ECT2: variants seen among roughly 807,000 people sequenced by gnomAD.
The protein encoded by ECT2 is protein ECT2.
A neutral mutation model predicts 116.9 loss-of-function variants in ECT2; 61 were observed. The ratio of observed to expected loss-of-function variants is 0.52; its 90% CI spans 0.42 to 0.65. The LOEUF (loss-of-function observed/expected upper bound fraction) is 0.65, where lower values mean the gene tolerates loss of function less well. ECT2 is among the 30% of genes least tolerant of loss of function. The probability of loss-of-function intolerance (pLI) is 0.00; values close to 1 mark genes in which losing one functional copy is unlikely to be tolerated. For missense variants in ECT2, 937 were observed against 1,078.7 expected (o/e 0.87, Z 1.84); for synonymous variants, 358 against 346.4 (o/e 1.03, Z -0.37).
intron 18 of ECT2, among the ~76,000 whole-genome samples, chr3:172,802,393 G>A (rs945979057): frequency 7.9e-5 from 12 of 152,130 alleles, no homozygotes; most frequent in African/African-American, 1.9e-4. Flanking sequence ...GATTACAGGC[G>A]CAAGTCACCG....
downstream of ECT2, among the ~76,000 whole-genome samples, chr3:172,822,506 A>G (rs548991721): frequency 5.9e-5 from 9 of 152,132 alleles, no homozygotes; most frequent in African/African-American, 1.9e-4. Context: ...AGGCTAATAT[A>G]TAAGCCTTAA....
At chr3:172,768,438 CTGTT>C (rs1460870181) in intron 12 of ECT2, among the ~76,000 whole-genome samples, 1 of 152,278 alleles carries the variant, frequency 6.6e-6, no homozygotes, top group African/African-American at 2.4e-5. Context: ...AATATCTATA[CTGTT>C]TGAGAGTAAG....
intron 13 of ECT2, among the ~76,000 whole-genome samples, chr3:172,772,064 T>G (rs1720762898): frequency 6.6e-6 from 1 of 151,376 alleles, no homozygotes; most frequent in African/African-American, 2.4e-5. Flanking sequence ...GGTGCAATCT[T>G]GATTTGGCTC....
intron 24 of ECT2, among the ~76,000 whole-genome samples, chr3:172,817,229 C>T (rs1729896101): frequency 6.6e-6 from 1 of 152,024 alleles, no homozygotes; most frequent in Admixed American, 6.6e-5. Flanking sequence ...TCCCCTAGTG[C>T]ACTTTAAACC....
intron 14 of ECT2, 85 bp downstream of exon 14, chr3:172,774,107 A>G: frequency 3.6e-6 from 5 of 1,383,766 alleles, no homozygotes; most frequent in Non-Finnish European, 5.0e-6. Context: ...CTGGTTAGCT[A>G]AATAAGTTTT....
At chr3:172,807,427 C>T (rs996722853) in intron 21 of ECT2, among the ~76,000 whole-genome samples, 1 of 151,988 alleles carries the variant, frequency 6.6e-6, no homozygotes, top group African/African-American at 2.4e-5. Context: ...TTATGGCAGA[C>T]TTTGTTTAAA....
At chr3:172,759,172 G>A (rs1717709200) in intron 6 of ECT2, 103 bp downstream of exon 6, 1 of 773,458 alleles carries the variant, frequency 1.3e-6, no homozygotes, top group Non-Finnish European at 2.0e-6. Context: ...TTAAAATATT[G>A]AAGGATAACT....
intron 18 of ECT2, among the ~76,000 whole-genome samples, chr3:172,789,221 T>G (rs1436006841): frequency 2.0e-4 from 1 of 5,108 alleles, no homozygotes; most frequent in African/African-American, 2.4e-4. Flanking sequence ...TCTTTTTTTG[T>G]TTTTTTTTTT....
intron 14 of ECT2, among the ~76,000 whole-genome samples, chr3:172,779,134 G>A (rs1163808202): frequency 6.6e-6 from 1 of 152,096 alleles, no homozygotes; most frequent in African/African-American, 2.4e-5. Context: ...TTATTTTTCA[G>A]AATAGGAAAT....
intron 1 of ECT2, among the ~76,000 whole-genome samples, chr3:172,751,574 A>G (rs1229085467): frequency 6.6e-6 from 1 of 151,456 alleles, no homozygotes; most frequent in Non-Finnish European, 1.5e-5. Context: ...TCAGTTGTTA[A>G]TAGTAATGTT....
At chr3:172,758,052 A>G (rs958433561) in intron 5 of ECT2, among the ~76,000 whole-genome samples, 1 of 151,888 alleles carries the variant, frequency 6.6e-6, no homozygotes, top group African/African-American at 2.4e-5. Context: ...TAGAGACAGG[A>G]TTTCACCATG....
chr3:172,776,198 C>CTTTTTCTT (rs1559967386), intron 14 of ECT2, among the ~76,000 whole-genome samples: 1 of 111,572 alleles, frequency 9.0e-6, no homozygotes, highest in African/African-American at 3.5e-5. Context: ...TCAGTTTTTT[C>CTTTTTCTT]TTTTTTTTTT....
At chr3:172,770,357 A>C (rs1334352760) in intron 13 of ECT2, among the ~76,000 whole-genome samples, 1 of 152,192 alleles carries the variant, frequency 6.6e-6, no homozygotes, top group African/African-American at 2.4e-5. Context: ...TCTAATTTGC[A>C]TATCAATTAA....
chr3:172,802,481 T>A, intron 18 of ECT2, 135 bp from the exon 19 acceptor site: 1 of 556,400 alleles, frequency 1.8e-6, no homozygotes, highest in Non-Finnish European at 3.1e-6. Flanking sequence ...TGTAATGGGA[T>A]ACTTTTAAGG....
chr3:172,767,414 C>T (rs1719677221), intron 12 of ECT2, among the ~76,000 whole-genome samples: 1 of 152,048 alleles, frequency 6.6e-6, no homozygotes, highest in Non-Finnish European at 1.5e-5. Flanking sequence ...GCACTCCAGC[C>T]TGGGGGACAG....
chr3:172,806,048 CTT>C (rs557030411), intron 21 of ECT2, 179 bp downstream of exon 21: 108 of 601,994 alleles, frequency 1.8e-4, no homozygotes, highest in African/African-American at 1.6e-3. Flanking sequence ...ACAGAACTGA[CTT>C]TTTGTTTTCT....
chr3:172,824,557 A>C (rs568463535), downstream of ECT2, among the ~76,000 whole-genome samples: 11 of 152,200 alleles, frequency 7.2e-5, no homozygotes, highest in Non-Finnish European at 1.5e-4. Flanking sequence ...TTTCAACATG[A>C]GATTTGGGCG....
chr3:172,764,493 C>A lies in ECT2; in HGVS notation c.1284C>A (p.Asn428Lys). The change falls in exon 12 of 25, where the codon AAC becomes AAA. Residue 428 changes from asparagine (N) to lysine (K), a missense_variant. Physicochemically the swap from Asn to Lys is moderately conservative, Grantham distance 94. Coordinates refer to ENST00000392692, the MANE Select transcript of ECT2 (RefSeq NM_001258315.2). ...CCAACACACCAGAGTCTAGCATTAACTATGGAGGTAATTCACATTCTTAAA... is the reference window on the plus strand; with the variant it reads ...CCAACACACCAGAGTCTAGCATTAAATATGGAGGTAATTCACATTCTTAAA... ...DISNTPESSI[N>K]YGDTPKSCTK... The A allele has an allele frequency of 6.2e-7, 1 of 1,612,638 alleles. No homozygotes were observed. Among genetic ancestry groups the A allele is most frequent in the South Asian group, 1.1e-5 (1 of 90,994 alleles).
downstream of ECT2, among the ~76,000 whole-genome samples, chr3:172,824,397 G>A (rs1730791725): frequency 6.6e-6 from 1 of 152,066 alleles, no homozygotes; most frequent in Non-Finnish European, 1.5e-5. Flanking sequence ...GGAGAGAGAC[G>A]GGGAAGGTGC....
Sources: gnomAD v4.1 joint callset for allele counts (sites outside exome capture counted in the v4.1 genomes callset) on GRCh38, gnomAD v4.1.1 for gene constraint, MANE v1.5 for transcripts, NCBI Gene and HGNC (gene_info 2026-07-23, HGNC 2026-07-21) for gene names.